Variants in ADK observed in about 807,000 individuals in gnomAD.
ADK encodes adenosine kinase, also known as N6,N6-dimethyladenosine kinase.
Under a neutral mutation model 44.7 loss-of-function variants are expected in ADK, and 24 were observed. The ratio of observed to expected loss-of-function variants is 0.54; its 90% CI spans 0.39 to 0.76. The LOEUF is 0.76. Ranked by LOEUF, ADK falls within the 30% of genes least tolerant of loss-of-function variation. The probability of loss-of-function intolerance (pLI) is 0.00; values close to 1 mark genes in which losing one functional copy is unlikely to be tolerated. For missense variants in ADK, 321 were observed against 425.1 expected (o/e 0.76, Z 2.15); for synonymous variants, 128 against 142.6 (o/e 0.90, Z 0.73).
At chr10:74,315,912 G>A (rs566899864) in intron 4 of ADK, among the ~76,000 whole-genome samples, 133 of 152,156 alleles carry the variant, frequency 8.7e-4, no homozygotes, top group South Asian at 1.9e-3. Flanking sequence ...CATCCTGGTG[G>A]TCACTTTATG....
intron 7 of ADK, among the ~76,000 whole-genome samples, chr10:74,581,142 C>G (rs1346034485): frequency 6.6e-6 from 1 of 151,792 alleles, no homozygotes; most frequent in African/African-American, 2.4e-5. Flanking sequence ...AGAAATGATA[C>G]AGATGTTAGG....
chr10:74,544,358 T>G (rs1026242776), intron 7 of ADK, among the ~76,000 whole-genome samples: 1 of 152,170 alleles, frequency 6.6e-6, no homozygotes, highest in African/African-American at 2.4e-5. Context: ...CTTTTAACAA[T>G]CAGGAAATTC....
At chr10:74,421,992 A>G (rs992164760) in intron 6 of ADK, among the ~76,000 whole-genome samples, 1 of 152,174 alleles carries the variant, frequency 6.6e-6, no homozygotes, top group Non-Finnish European at 1.5e-5. Context: ...TGCCCCCTCC[A>G]GAAGGGGGAT....
At chr10:74,288,005 A>AG (rs1847253711) in intron 3 of ADK, among the ~76,000 whole-genome samples, 1 of 150,282 alleles carries the variant, frequency 6.7e-6, no homozygotes, top group Non-Finnish European at 1.5e-5. Context: ...AAAAAAAGAG[A>AG]AAAAAAAATT....
intron 7 of ADK, among the ~76,000 whole-genome samples, chr10:74,575,582 C>T (rs926409005): frequency 6.6e-6 from 1 of 152,060 alleles, no homozygotes; most frequent in African/African-American, 2.4e-5. Context: ...GGCAAAAAAG[C>T]CTGGGGCATG....
chr10:74,382,556 A>AT (rs1285475362), intron 4 of ADK, among the ~76,000 whole-genome samples: 1 of 152,060 alleles, frequency 6.6e-6, no homozygotes, highest in Non-Finnish European at 1.5e-5. Flanking sequence ...GTGCTGTGTT[A>AT]TTTTTTTATC....
At chr10:74,253,766 C>CTTT (rs369449016) in intron 3 of ADK, among the ~76,000 whole-genome samples, 16 of 125,062 alleles carry the variant, frequency 1.3e-4, no homozygotes, top group African/African-American at 3.3e-4. Context: ...TCTACACTGC[C>CTTT]TTTTTTTTTT....
At chr10:74,518,827 T>C in intron 6 of ADK, among the ~76,000 whole-genome samples, 1 of 152,108 alleles carries the variant, frequency 6.6e-6, no homozygotes, top group East Asian at 1.9e-4. Flanking sequence ...CCTTATAATC[T>C]TTTTTACTAT....
intron 4 of ADK, among the ~76,000 whole-genome samples, chr10:74,385,902 A>C (rs1843123324): frequency 6.6e-6 from 1 of 152,234 alleles, no homozygotes; most frequent in Non-Finnish European, 1.5e-5. Context: ...CAATAGAACT[A>C]TTTCAGGGAA....
chr10:74,587,802 A>G (rs775124816), intron 7 of ADK, among the ~76,000 whole-genome samples: 1 of 149,914 alleles, frequency 6.7e-6, no homozygotes, highest in Non-Finnish European at 1.5e-5. Flanking sequence ...TCCCTTTTCT[A>G]TCTGTCCTAA....
rs11000898 is a variant in ADK at position 74,152,973 on chromosome 10, C to T, written c.65+1630C>T. ...ATTTTGTGGGGAGACATTTTAGGAT[C>T]GGCTATTATTACTTTTATTATATTA... On this transcript the variant is annotated intron_variant, in intron 1 of 10. Transcript: ENST00000539909. Among the ~76,000 whole-genome samples, 34 of 152,204 alleles carry T rather than the reference C, an allele frequency of 2.2e-4. No individual in the cohort carries two copies. In the East Asian group the frequency reaches 4.8e-3, roughly 22 times the overall value.
At chr10:74,155,978 G>T (rs1841739340) in intron 1 of ADK, among the ~76,000 whole-genome samples, 1 of 152,104 alleles carries the variant, frequency 6.6e-6, no homozygotes, top group Non-Finnish European at 1.5e-5. Context: ...AATCCTTTAA[G>T]ATTAAGGCTT....
At chr10:74,431,807 A>G (rs778867734) in intron 6 of ADK, among the ~76,000 whole-genome samples, 3 of 151,690 alleles carry the variant, frequency 2.0e-5, no homozygotes, top group Non-Finnish European at 4.4e-5. Context: ...GCAAGACTCT[A>G]TCTCAGTCAA....
chr10:74,402,071 ACT>A (rs1843735474), intron 6 of ADK, among the ~76,000 whole-genome samples: 1 of 151,902 alleles, frequency 6.6e-6, no homozygotes, highest in South Asian at 2.1e-4. Flanking sequence ...ATTGGCCCCC[ACT>A]CTCTTTTGGC....
chr10:74,689,834 A>T (rs1020991347), intron 10 of ADK, among the ~76,000 whole-genome samples: 51 of 152,148 alleles, frequency 3.4e-4, no homozygotes, highest in African/African-American at 1.2e-3. Context: ...CAAATCAACA[A>T]ACTTGTTTAT....
intron 6 of ADK, chr10:74,423,469 C>T: frequency 5.4e-6 from 1 of 186,114 alleles, no homozygotes; most frequent in Non-Finnish European, 1.1e-5. Flanking sequence ...CTGGGTGGTT[C>T]TTCTGGAGGT....
At chr10:74,429,995 C>A (rs1262534973) in intron 6 of ADK, among the ~76,000 whole-genome samples, 1 of 152,104 alleles carries the variant, frequency 6.6e-6, no homozygotes, top group Non-Finnish European at 1.5e-5. Flanking sequence ...AATTCCTTTA[C>A]CTCAAACAAC....
At chr10:74,689,268 A>G (rs1032026127) in intron 10 of ADK, among the ~76,000 whole-genome samples, 1 of 151,864 alleles carries the variant, frequency 6.6e-6, no homozygotes, top group African/African-American at 2.4e-5. Flanking sequence ...AAATAAATAA[A>G]TAAATAATAA....
chr10:74,381,206 T>G (rs1313572507), intron 4 of ADK, among the ~76,000 whole-genome samples: 8 of 152,242 alleles, frequency 5.3e-5, no homozygotes, highest in South Asian at 4.1e-4. Context: ...TATTATAACT[T>G]AAAATCATAG....
Sources: gnomAD v4.1 joint callset for allele counts (sites outside exome capture counted in the v4.1 genomes callset) on GRCh38, gnomAD v4.1.1 for gene constraint, MANE v1.5 for transcripts, NCBI Gene and HGNC (gene_info 2026-07-23, HGNC 2026-07-21) for gene names.